Variants in IL15RA observed in about 807,000 individuals in gnomAD.
The protein encoded by IL15RA is interleukin-15 receptor subunit alpha.
Under a neutral mutation model 24.2 loss-of-function variants are expected in IL15RA, and 26 were observed. That is an observed-to-expected ratio of 1.07 (90% CI 0.79 to 1.49). The LOEUF (loss-of-function observed/expected upper bound fraction) is 1.49, where lower values mean the gene tolerates loss of function less well. IL15RA is among the 40% of genes most tolerant of loss of function. The pLI, the probability that IL15RA is intolerant of heterozygous loss-of-function variation, is 0.00. For synonymous variants in IL15RA, 166 were observed against 157.6 expected, an observed-to-expected ratio of 1.05 and a Z score of -0.40; for missense variants, 354 against 356.4, an observed-to-expected ratio of 0.99 and a Z score of 0.05.
chr10:5,954,776 A>C (rs1422703115), intron 6 of IL15RA, among the ~76,000 whole-genome samples: 1 of 152,244 alleles, frequency 6.6e-6, no homozygotes, highest in East Asian at 1.9e-4. Context: ...ATAACTGGTT[A>C]AGAATATAAC....
upstream of IL15RA, chr10:5,977,676 C>G: frequency 8.1e-7 from 1 of 1,232,758 alleles, no homozygotes; most frequent in Non-Finnish European, 1.0e-6. Context: ...AGCGTCCCCA[C>G]CCCTGCTGGG....
At chr10:5,976,346 G>T (rs1838451234) in intron 1 of IL15RA, among the ~76,000 whole-genome samples, 1 of 152,220 alleles carries the variant, frequency 6.6e-6, no homozygotes, top group Non-Finnish European at 1.5e-5. Context: ...AATGGCTTTG[G>T]CCAGGGCCTG....
In IL15RA at chr10:5,962,023, C is replaced by T. The variant is rs1048709405; in HGVS notation, c.383-1456G>A. Among the ~76,000 whole-genome samples, 2 of 152,232 alleles carry T rather than the reference C, an allele frequency of 1.3e-5. No individual in the cohort carries two copies. The highest frequency in any genetic ancestry group is 2.9e-5 in the Non-Finnish European group (2 of 68,040). On this transcript the variant is annotated intron_variant, in intron 3 of 6. Coordinates refer to ENST00000379977, the MANE Select transcript of IL15RA (RefSeq NM_002189.4). This position sits in a 1 kb window ranked among gnomAD's most constrained non-coding sequence, Gnocchi z 5.2. ...CAGCTCGGGTCAAAGGCTGCTGTCA[C>T]ATCGGGGCTTCTGACTGCACCATTG...
At position 5,960,310 on chromosome 10, in the gene IL15RA, C is replaced by G. The variant is rs8177706; in HGVS notation, c.583+57G>C. 30 of 1,469,454 alleles carry G rather than the reference C, an allele frequency of 2.0e-5. No homozygotes were observed. The highest frequency in any genetic ancestry group is 1.5e-5 in the Non-Finnish European group (16 of 1,049,678). The allele number at this position is 1,469,454 out of a possible 1,614,324, so 91.0% of individuals were successfully genotyped here. On this transcript the variant is annotated intron_variant, in intron 4 of 6. Coordinates refer to ENST00000379977, the MANE Select transcript of IL15RA (RefSeq NM_002189.4). This position sits in a 1 kb window ranked among gnomAD's most constrained non-coding sequence, Gnocchi z 5.1. Reference sequence around the variant, plus strand: ...GCTGCCTTGTGCCGGATCTCAGCCCCGATCTCAGAAGCAGCAATGGGGAAC... The same window carrying G: ...GCTGCCTTGTGCCGGATCTCAGCCCGGATCTCAGAAGCAGCAATGGGGAAC...
At position 5,958,188 on chromosome 10, in the gene IL15RA, C is replaced by A; in HGVS notation, c.616+1566G>T. Reference sequence around the variant, plus strand: ...AAAACGATGAGATGGTTTTTGTGTCCTGATATGGGAGGATCTACAAGGTAT... The same window carrying A: ...AAAACGATGAGATGGTTTTTGTGTCATGATATGGGAGGATCTACAAGGTAT... On this transcript the variant is annotated intron_variant, in intron 5 of 6. Transcript: ENST00000379977. The surrounding 1 kb of genome is among the most constrained non-coding windows in gnomAD (Gnocchi z 4.3). The A allele has an allele frequency of 2.9e-6, 1 of 340,828 alleles. No homozygotes were observed. Among genetic ancestry groups the A allele is most frequent in the Non-Finnish European group, 6.0e-6 (1 of 165,900 alleles). The allele number at this position is 340,828 out of a possible 1,614,324, so 21.1% of individuals were successfully genotyped here. A position where few individuals can be genotyped will look rare whatever the true frequency, so the allele number is the denominator to read the frequency against.
chr10:5,977,529 G>C lies in IL15RA; in HGVS notation c.-37C>G. ...CACAGGACACCGCTGGACTCCCCGG[G>C]CGAGCGCTGCCCAGGCCGGGGGGAG... On this transcript the variant is annotated 5_prime_UTR_variant, in exon 1 of 7. Transcript: ENST00000379977. 7.6e-7 allele frequency: 1 copy of C among 1,307,566 alleles called. No individual in the cohort carries two copies. The highest frequency in any genetic ancestry group is 9.7e-7 in the Non-Finnish European group (1 of 1,028,326). The allele number at this position is 1,307,566 out of a possible 1,614,324, so 81.0% of individuals were successfully genotyped here. A position where few individuals can be genotyped will look rare whatever the true frequency, so the allele number is the denominator to read the frequency against.
At chr10:5,976,535 G>T (rs8177765) in intron 1 of IL15RA, among the ~76,000 whole-genome samples, 54 of 152,220 alleles carry the variant, frequency 3.5e-4, no homozygotes, top group Non-Finnish European at 6.9e-4. Flanking sequence ...GGGGCCGGGG[G>T]TTCATAGCTT....
rs1834124556 is a variant in IL15RA, at chr10:5,953,786, TAAAG to T, written c.693-584_693-581del. 5.9e-6 allele frequency: 1 copy of T among 170,810 alleles called. No individual in the cohort carries two copies. Among genetic ancestry groups the T allele is most frequent in the Admixed American group, 5.6e-5 (1 of 17,968 alleles). 10.6% of individuals were successfully genotyped at this position (170,810 alleles called of 1,614,324 possible). A position where few individuals can be genotyped will look rare whatever the true frequency, so the allele number is the denominator to read the frequency against. ...TAGCACTTAGTATGTGTGAAATAAATAAAGAAATACACAAATCAATCAGCTCCCG... is the reference window on the plus strand; with the variant it reads ...TAGCACTTAGTATGTGTGAAATAAATAAATACACAAATCAATCAGCTCCCG... On this transcript the variant is annotated intron_variant, in intron 6 of 6. Coordinates refer to ENST00000379977, the MANE Select transcript of IL15RA (RefSeq NM_002189.4). This position sits in a 1 kb window ranked among gnomAD's most constrained non-coding sequence, Gnocchi z 5.3.
At chr10:5,951,702 C>A (rs1372262368), downstream of IL15RA, among the ~76,000 whole-genome samples, 2 of 152,170 alleles carry the variant, frequency 1.3e-5, no homozygotes, top group African/African-American at 2.4e-5. Flanking sequence ...GCGGCACATG[C>A]CTGTAGTTCC....
At position 5,968,606 on chromosome 10, in the gene IL15RA, A is replaced by G. The variant is rs1837017898; in HGVS notation, c.89-2267T>C. ...TTGCTATGGTTACCTGCAGAGCCCC[A>G]CTGGCTTTGAGGCCTCTGGTGCTAT... is the stretch of plus-strand genomic sequence containing the variant. On this transcript the variant is annotated intron_variant, in intron 1 of 6. Coordinates refer to ENST00000379977, the MANE Select transcript of IL15RA (RefSeq NM_002189.4). The surrounding 1 kb of genome is among the most constrained non-coding windows in gnomAD (Gnocchi z 5.4). 1.7e-6 allele frequency: 1 copy of G among 592,888 alleles called. No homozygotes were observed. Among genetic ancestry groups the G allele is most frequent in the Non-Finnish European group, 3.0e-6 (1 of 332,296 alleles). 36.7% of individuals were successfully genotyped at this position (592,888 alleles called of 1,614,324 possible).
At chr10:5,950,543 G>C (rs966383540), downstream of IL15RA, among the ~76,000 whole-genome samples, 1 of 152,164 alleles carries the variant, frequency 6.6e-6, no homozygotes, top group African/African-American at 2.4e-5. The surrounding 1 kb of genome is among the most constrained non-coding windows in gnomAD (Gnocchi z 5.6). Flanking sequence ...ACTTCCTGAT[G>C]GCCCTGAAAG....
chr10:5,960,642 T>G lies in IL15RA; in HGVS notation c.383-75A>C. The G allele has an allele frequency of 2.3e-5, 30 of 1,301,044 alleles. No homozygotes were observed. 80.6% of individuals were successfully genotyped at this position (1,301,044 alleles called of 1,614,324 possible). On this transcript the variant is annotated intron_variant, in intron 3 of 6. Transcript: ENST00000379977. The surrounding 1 kb of genome is among the most constrained non-coding windows in gnomAD (Gnocchi z 5.1). Reference sequence around the variant, plus strand: ...CTCTCAGCTGCAGCACGGGGTGATGTGGGAGCTGCCATAGTGAGTCACCCT... The same window carrying G: ...CTCTCAGCTGCAGCACGGGGTGATGGGGGAGCTGCCATAGTGAGTCACCCT...
chr10:5,951,849 G>A (rs1328262699), downstream of IL15RA, among the ~76,000 whole-genome samples: 1 of 152,034 alleles, frequency 6.6e-6, no homozygotes, highest in Non-Finnish European at 1.5e-5. Flanking sequence ...TTATAGAGAT[G>A]GGGTCTCACT....
At position 5,973,229 on chromosome 10, in the gene IL15RA, G is replaced by T. The variant is rs902601627; in HGVS notation, c.88+4176C>A. Among the ~76,000 whole-genome samples the T allele has an allele frequency of 2.0e-5, 3 of 152,182 alleles. No individual in the cohort carries two copies. The highest frequency in any genetic ancestry group is 7.2e-5 in the African/African-American group (3 of 41,446). ...GTTGTGCATAGTAGCACAAGAAGGA[G>T]ACTTTGCACCTTAGTGATATTGATT... On this transcript the variant is annotated intron_variant, in intron 1 of 6. Transcript: ENST00000379977. The surrounding 1 kb of genome is among the most constrained non-coding windows in gnomAD (Gnocchi z 4.5).
upstream of IL15RA, chr10:5,977,568 C>A: frequency 7.9e-7 from 1 of 1,261,916 alleles, no homozygotes. Context: ...GCGAGCGCTG[C>A]TCTGGGACCT....
Position 5,966,061 on chromosome 10 carries a change from TTGACCC to T in IL15RA, c.283+78_283+83del. On this transcript the variant is annotated intron_variant, in intron 2 of 6. Transcript: ENST00000379977. This position sits in a 1 kb window ranked among gnomAD's most constrained non-coding sequence, Gnocchi z 6.4. ...AGCCTCAGACCTCAGCACAGATCCC[TTGACCC>T]CTGAGATGGGGTCTTCTCTCTGTGC... is the stretch of plus-strand genomic sequence containing the variant. 1.0e-6 allele frequency: 1 copy of T among 979,350 alleles called. No individual in the cohort carries two copies. Among genetic ancestry groups the T allele is most frequent in the African/African-American group, 1.6e-5 (1 of 63,072 alleles). 60.7% of individuals were successfully genotyped at this position (979,350 alleles called of 1,614,324 possible).
At position 5,953,004 on chromosome 10, in the gene IL15RA, G is replaced by A. The variant is rs926882579; in HGVS notation, c.*91C>T. The A allele has an allele frequency of 2.1e-6, 2 of 949,396 alleles. No individual in the cohort carries two copies. Among genetic ancestry groups the A allele is most frequent in the South Asian group, 1.5e-5 (1 of 68,750 alleles). The allele number at this position is 949,396 out of a possible 1,614,324, so 58.8% of individuals were successfully genotyped here. A position where few individuals can be genotyped will look rare whatever the true frequency, so the allele number is the denominator to read the frequency against. On this transcript the variant is annotated 3_prime_UTR_variant, in exon 7 of 7. Coordinates refer to ENST00000379977, the MANE Select transcript of IL15RA (RefSeq NM_002189.4). This position sits in a 1 kb window ranked among gnomAD's most constrained non-coding sequence, Gnocchi z 5.3. ...GAGGCCTGGTGAGCTTGCTCCTGGAGCCCGCTTCCTTGCACCTCTTCTCAG... is the reference window on the plus strand; with the variant it reads ...GAGGCCTGGTGAGCTTGCTCCTGGAACCCGCTTCCTTGCACCTCTTCTCAG...
At position 5,966,239 on chromosome 10, in the gene IL15RA, G is replaced by A. The variant is rs1836511129; in HGVS notation, c.189C>T (p.Phe63=). Reference sequence around the variant, plus strand: ...GGCTGGACGTGCCGGCTTTACGCTTGAAACCAGAGTTACAAATGTACCGCT... The same window carrying A: ...GGCTGGACGTGCCGGCTTTACGCTTAAAACCAGAGTTACAAATGTACCGCT... ...SRERYICNSG[F]KRKAGTSSLT... is the part of the protein sequence containing the mutation. The change falls in exon 2 of 7, where the codon TTC becomes TTT. Residue 63 remains phenylalanine (F), a synonymous_variant. Coordinates refer to ENST00000379977, the MANE Select transcript of IL15RA (RefSeq NM_002189.4). The surrounding 1 kb of genome is among the most constrained non-coding windows in gnomAD (Gnocchi z 6.4). The A allele has an allele frequency of 6.2e-7, 1 of 1,614,052 alleles. No homozygotes were observed. Among genetic ancestry groups the A allele is most frequent in the Non-Finnish European group, 8.5e-7 (1 of 1,180,002 alleles).
At chr10:5,977,860 T>C, upstream of IL15RA, 1 of 377,870 alleles carries the variant, frequency 2.6e-6, no homozygotes, top group Non-Finnish European at 4.7e-6. Context: ...GTGTCCCCAC[T>C]GCGAAGAGAG....
Sources: allele counts gnomAD v4.1 joint callset (sites outside exome capture counted in the v4.1 genomes callset), GRCh38; gene constraint gnomAD v4.1.1; non-coding constraint Gnocchi (gnomAD v3.1); transcripts MANE v1.5; gene names NCBI Gene and HGNC (gene_info 2026-07-23, HGNC 2026-07-21).